POU2F1: variants seen among roughly 807,000 people sequenced by gnomAD.
POU2F1 encodes POU class 2 homeobox 1, also known as POU domain, class 2, transcription factor 1.
A neutral mutation model predicts 84.9 loss-of-function variants in POU2F1; 16 were observed. The ratio of observed to expected loss-of-function variants is 0.19; its 90% CI spans 0.13 to 0.29. The LOEUF (loss-of-function observed/expected upper bound fraction) is 0.29, where lower values mean the gene tolerates loss of function less well. Among genes scored for constraint, POU2F1 ranks in the 10% least tolerant of loss-of-function variants. POU2F1 has a pLI of 1.00. For synonymous variants in POU2F1, 368 were observed against 368.3 expected, an observed-to-expected ratio of 1.00 and a Z score of 0.01; for missense variants, 738 against 942.6, an observed-to-expected ratio of 0.78 and a Z score of 2.84.
chr1:167,261,509 T>G (rs1434416542), intron 1 of POU2F1, among the ~76,000 whole-genome samples: 1 of 152,062 alleles, frequency 6.6e-6, no homozygotes, highest in African/African-American at 2.4e-5. Context: ...GTTGGCACAG[T>G]CTAGGGGAAC....
intron 12 of POU2F1, 94 bp from the exon 13 acceptor site, chr1:167,401,357 C>A: frequency 1.3e-6 from 1 of 777,642 alleles, no homozygotes; most frequent in South Asian, 2.0e-5. Context: ...TGTCAGGTGT[C>A]TCAATTCCAA....
intron 5 of POU2F1, 30 bp downstream of exon 5, chr1:167,372,066 A>G: frequency 6.3e-7 from 1 of 1,594,902 alleles, no homozygotes; most frequent in African/African-American, 1.3e-5. Context: ...ATTATAACAA[A>G]CTTTTTCTGT....
chr1:167,360,354 C>A (rs1043340614), intron 2 of POU2F1, among the ~76,000 whole-genome samples: 1 of 152,152 alleles, frequency 6.6e-6, no homozygotes, highest in African/African-American at 2.4e-5. Context: ...AGTATTTAAT[C>A]CATCTTGAGT....
chr1:167,251,414 T>C (rs991425369), intron 1 of POU2F1, among the ~76,000 whole-genome samples: 7 of 135,838 alleles, frequency 5.2e-5, no homozygotes, highest in Non-Finnish European at 4.7e-5. Context: ...AACAAACAAA[T>C]AAATAAATAA....
At position 167,421,529 on chromosome 1, in the gene POU2F1, TATTC is replaced by T. The variant is rs1275144967; in HGVS notation, c.*5723_*5726del. 4 of 152,238 alleles carry T rather than the reference TATTC, an allele frequency of 2.6e-5. No individual in the cohort carries two copies. Among genetic ancestry groups the T allele is most frequent in the Non-Finnish European group, 4.4e-5 (3 of 68,048 alleles). 9.4% of individuals were successfully genotyped at this position (152,238 alleles called of 1,614,324 possible). A position where few individuals can be genotyped will look rare whatever the true frequency, so the allele number is the denominator to read the frequency against. On this transcript the variant is annotated 3_prime_UTR_variant, in exon 16 of 16. Transcript: ENST00000367866. ...AAATTTTGTAGTTTTCTTCTAACCT[TATTC>T]ATTAAGTAGTTCCTTGTTTTGGCCC... is the stretch of plus-strand genomic sequence containing the variant.
intron 13 of POU2F1, among the ~76,000 whole-genome samples, chr1:167,402,817 C>G (rs997473105): frequency 2.6e-5 from 4 of 152,196 alleles, no homozygotes; most frequent in African/African-American, 9.6e-5. Context: ...ATGTGAAGAA[C>G]CATCTCTGAG....
chr1:167,398,172 T>G, intron 11 of POU2F1, 39 bp downstream of exon 11: 1 of 1,601,642 alleles, frequency 6.2e-7, no homozygotes, highest in South Asian at 1.1e-5. Flanking sequence ...TGGGATTGTC[T>G]GTGTAGTACT....
At chr1:167,369,022 T>C (rs1413130130) in intron 3 of POU2F1, among the ~76,000 whole-genome samples, 2 of 152,182 alleles carry the variant, frequency 1.3e-5, no homozygotes, top group Non-Finnish European at 2.9e-5. Context: ...GCAGAGACTT[T>C]CATGTTTCCT....
chr1:167,308,281 G>T (rs1655223728), intron 1 of POU2F1, among the ~76,000 whole-genome samples: 1 of 151,846 alleles, frequency 6.6e-6, no homozygotes, highest in Admixed American at 6.6e-5. Context: ...TGGCAATTCT[G>T]GTCTCGAACT....
At chr1:167,301,331 G>A (rs748195512) in intron 1 of POU2F1, among the ~76,000 whole-genome samples, 2 of 152,130 alleles carry the variant, frequency 1.3e-5, no homozygotes, top group East Asian at 3.9e-4. Flanking sequence ...TACTGCTGTT[G>A]GGCTGAAAGC....
chr1:167,224,458 T>TA (rs201335065), intron 1 of POU2F1, among the ~76,000 whole-genome samples: 5 of 152,122 alleles, frequency 3.3e-5, no homozygotes, highest in African/African-American at 1.2e-4. Flanking sequence ...ACAGATTTTT[T>TA]AAAAAAAATT....
Position 167,401,456 on chromosome 1 carries a change from G to A in POU2F1, c.1455G>A (p.Ala485=), listed in dbSNP as rs139631897. ...AIFPSPTSLV[A]TTPSLVTSSA... ...TTTTCATTTCTGACCTCAAGGTGGC[G>A]ACCACACCAAGCCTTGTGACTAGCA... Residue 485 remains alanine, a synonymous_variant, in exon 13 of 16, where the codon GCG becomes GCA. Coordinates refer to ENST00000367866, the MANE Select transcript of POU2F1 (RefSeq NM_002697.4). 2.9e-5 allele frequency: 47 copies of A among 1,609,048 alleles called. No homozygotes were observed. The African/African-American group carries it at 4.3e-4, about 15-fold the overall frequency.
At chr1:167,410,530 A>T (rs12565183) in intron 13 of POU2F1, among the ~76,000 whole-genome samples, 95,089 of 139,404 alleles carry the variant, frequency 0.68, 31,641 homozygotes, top group East Asian at 0.87. Context: ...TATTATTATT[A>T]TTTTTAACGG....
intron 1 of POU2F1, among the ~76,000 whole-genome samples, chr1:167,311,788 A>G (rs1250404531): frequency 1.3e-5 from 2 of 149,790 alleles, no homozygotes; most frequent in African/African-American, 4.9e-5. Flanking sequence ...TTATTTATTT[A>G]TTTATTTATT....
In POU2F1 at chr1:167,398,073, G is replaced by A. The variant is rs976462358; in HGVS notation, c.1209G>A (p.Arg403=). 8.7e-6 allele frequency: 14 copies of A among 1,614,146 alleles called. No homozygotes were observed. The highest frequency in any genetic ancestry group is 1.0e-5 in the Non-Finnish European group (12 of 1,180,016). The change falls in exon 11 of 16, where the codon AGG becomes AGA. Residue 403 remains arginine (R), a synonymous_variant. Transcript: ENST00000367866. The part of the protein sequence containing the change: ...SPGIEGLSRR[R]KKRTSIETNI... ...GAATTGAGGGCTTGAGCCGTAGGAG[G>A]AAGAAACGCACCAGCATAGAGACCA... is the stretch of plus-strand genomic sequence containing the variant.
intron 1 of POU2F1, among the ~76,000 whole-genome samples, chr1:167,238,169 C>T (rs1649643265): frequency 6.6e-6 from 1 of 151,896 alleles, no homozygotes; most frequent in Non-Finnish European, 1.5e-5. Flanking sequence ...TTTTGAGATG[C>T]ATTAATGTAA....
chr1:167,415,909 C>CAACACGGCGAGAGGAA lies in POU2F1; in HGVS notation c.*99_*100insAACACGGCGAGAGGAA. 2 of 1,111,962 alleles carry CAACACGGCGAGAGGAA rather than the reference C, an allele frequency of 1.8e-6. No individual in the cohort carries two copies. The highest frequency in any genetic ancestry group is 2.5e-6 in the Non-Finnish European group (2 of 795,286). 68.9% of individuals were successfully genotyped at this position (1,111,962 alleles called of 1,614,324 possible). A position where few individuals can be genotyped will look rare whatever the true frequency, so the allele number is the denominator to read the frequency against. On this transcript the variant is annotated 3_prime_UTR_variant, in exon 16 of 16. Coordinates refer to ENST00000367866, the MANE Select transcript of POU2F1 (RefSeq NM_002697.4). ...CTGAAAAATGTGATTGGCTTCCTCTCGCCGTGTTGTGAGGGCAAAGGAGAG... is the reference window on the plus strand; with the variant it reads ...CTGAAAAATGTGATTGGCTTCCTCTCAACACGGCGAGAGGAAGCCGTGTTGTGAGGGCAAAGGAGAG...
At chr1:167,324,986 C>A (rs1656597414) in intron 1 of POU2F1, among the ~76,000 whole-genome samples, 1 of 152,114 alleles carries the variant, frequency 6.6e-6, no homozygotes, top group African/African-American at 2.4e-5. Flanking sequence ...CAATACCTAT[C>A]ACTTGATTCT....
intron 1 of POU2F1, among the ~76,000 whole-genome samples, chr1:167,248,091 A>G (rs1650467188): frequency 6.6e-6 from 1 of 152,204 alleles, no homozygotes; most frequent in South Asian, 2.1e-4. Flanking sequence ...TTTATTTTGG[A>G]AAGAATTGTG....
Sources: allele counts gnomAD v4.1 joint callset (sites outside exome capture counted in the v4.1 genomes callset), GRCh38; gene constraint gnomAD v4.1.1; transcripts MANE v1.5; gene names NCBI Gene and HGNC (gene_info 2026-07-23, HGNC 2026-07-21).